Variants in LOXL1 observed in about 807,000 individuals in gnomAD.
LOXL1 encodes lysyl oxidase like 1.
In LOXL1, 31 loss-of-function variants were observed where a neutral mutation model predicts 62.2. The ratio of observed to expected loss-of-function variants is 0.50; its 90% confidence interval spans 0.37 to 0.67. LOXL1 has a LOEUF of 0.67. LOXL1 is among the 30% of genes least tolerant of loss of function. LOXL1 has a pLI of 0.00. For synonymous variants in LOXL1, 403 were observed against 384.4 expected (o/e 1.05, Z -0.56); for missense variants, 775 against 843.4 (o/e 0.92, Z 1.00).
At chr15:73,946,659 T>C in intron 3 of LOXL1, 105 bp downstream of exon 3, 2 of 1,366,212 alleles carry the variant, frequency 1.5e-6, no homozygotes, top group South Asian at 2.7e-5. Flanking sequence ...GAGACACAGA[T>C]ACTGGATTAG....
intron 5 of LOXL1, 101 bp downstream of exon 5, chr15:73,948,003 C>G: frequency 2.5e-6 from 2 of 807,610 alleles, no homozygotes; most frequent in Non-Finnish European, 3.9e-6. Flanking sequence ...GTTCCCTTCT[C>G]CCCAGCTGCC....
intron 1 of LOXL1, among the ~76,000 whole-genome samples, chr15:73,939,388 C>G (rs2068698053): frequency 6.6e-6 from 1 of 152,218 alleles, no homozygotes; most frequent in Admixed American, 6.5e-5. Flanking sequence ...CCAGCAGCTT[C>G]CCCGAGCTGC....
chr15:73,936,848 AGTATCGTCT>A (rs1396526803), intron 1 of LOXL1, among the ~76,000 whole-genome samples: 1 of 152,258 alleles, frequency 6.6e-6, no homozygotes, highest in African/African-American at 2.4e-5. Context: ...TGACTGCTAA[AGTATCGTCT>A]GTAGGGGTTG....
intron 1 of LOXL1, among the ~76,000 whole-genome samples, chr15:73,932,433 T>C (rs536992660): frequency 6.6e-6 from 1 of 152,344 alleles, no homozygotes; most frequent in South Asian, 2.1e-4. Flanking sequence ...CTTGTACACC[T>C]CATTTATTCA....
intron 6 of LOXL1, among the ~76,000 whole-genome samples, chr15:73,950,151 T>TG (rs1379223893): frequency 2.6e-5 from 4 of 152,136 alleles, no homozygotes; most frequent in Non-Finnish European, 5.9e-5. Context: ...AATCTGGGCT[T>TG]GGGATTTTGG....
Position 73,927,268 on chromosome 15 carries a change from C to T in LOXL1, c.485C>T (p.Ala162Val). 6.2e-7 allele frequency: 1 copy of T among 1,602,196 alleles called. No homozygotes were observed. The highest frequency in any genetic ancestry group is 8.5e-7 in the Non-Finnish European group (1 of 1,177,648). The change falls in exon 1 of 7, where the codon GCC becomes GTC. Residue 162 changes from alanine to valine, a missense_variant. Transcript: ENST00000261921. ...GGSASSVSASAFASTYRQQPS... is the reference protein window; with the variant it reads ...GGSASSVSASVFASTYRQQPS... ...TCCGCCTCCTCGGTCTCGGCTTCGGCCTTCGCCAGCACCTACCGCCAGCAG... is the reference window on the plus strand; with the variant it reads ...TCCGCCTCCTCGGTCTCGGCTTCGGTCTTCGCCAGCACCTACCGCCAGCAG...
chr15:73,931,235 G>A (rs1388192503), intron 1 of LOXL1, among the ~76,000 whole-genome samples: 2 of 151,966 alleles, frequency 1.3e-5, no homozygotes, highest in Non-Finnish European at 2.9e-5. Context: ...CATCTTGGAT[G>A]GCTGTGCTAG....
intron 4 of LOXL1, 113 bp from the exon 5 acceptor site, chr15:73,947,694 C>A (rs1595849184): frequency 1.4e-6 from 1 of 737,228 alleles, no homozygotes; most frequent in East Asian, 2.6e-5. Flanking sequence ...TGCCCTGGGC[C>A]AGGGTCAGGG....
chr15:73,928,601 C>CAAAA (rs55696344), intron 1 of LOXL1, among the ~76,000 whole-genome samples: 2 of 105,010 alleles, frequency 1.9e-5, no homozygotes, highest in African/African-American at 3.4e-5. Flanking sequence ...AAAATTAATG[C>CAAAA]AAAAAAAAAA....
chr15:73,942,924 C>T lies in LOXL1; in HGVS notation c.1173C>T (p.Tyr391=), dbSNP rs766114825. ...CTTATGTGCAGAGAGCCCACCTGTA[C>T]TCCCTGCGCTGTGCTGCGGAGGAGA... is the stretch of plus-strand genomic sequence containing the variant. ...ASTYVQRAHL[Y]SLRCAAEEKC... Residue 391 remains tyrosine, a synonymous_variant, in exon 2 of 7, where the codon TAC becomes TAT. Transcript: ENST00000261921. 6.2e-7 allele frequency: 1 copy of T among 1,614,048 alleles called. No homozygotes were observed. The highest frequency in any genetic ancestry group is 1.1e-5 in the South Asian group (1 of 91,078).
intron 1 of LOXL1, among the ~76,000 whole-genome samples, chr15:73,934,511 CAA>C (rs1379428523): frequency 6.6e-6 from 1 of 152,188 alleles, no homozygotes; most frequent in African/African-American, 2.4e-5. Context: ...TGAGTACAGG[CAA>C]AAGATAATAC....
chr15:73,928,569 T>C (rs1438409733), intron 1 of LOXL1, among the ~76,000 whole-genome samples: 1 of 139,400 alleles, frequency 7.2e-6, no homozygotes, highest in Non-Finnish European at 1.5e-5. Context: ...ATGAGTAATA[T>C]TGAGATGTAT....
Position 73,927,273 on chromosome 15 carries a change from G to A in LOXL1, c.490G>A (p.Ala164Thr). ...CTCCTCGGTCTCGGCTTCGGCCTTC[G>A]CCAGCACCTACCGCCAGCAGCCCTC... ...SASSVSASAF[A>T]STYRQQPSYP... Residue 164 changes from alanine to threonine, a missense_variant, in exon 1 of 7, where the codon GCC becomes ACC. Ala to Thr is a moderately conservative substitution (Grantham distance 58). Transcript: ENST00000261921. 1 of 1,602,270 alleles carries A rather than the reference G, an allele frequency of 6.2e-7. No individual in the cohort carries two copies. The highest frequency in any genetic ancestry group is 8.5e-7 in the Non-Finnish European group (1 of 1,177,478).
intron 1 of LOXL1, among the ~76,000 whole-genome samples, chr15:73,931,426 C>G (rs1992314): frequency 0.29 from 44,316 of 152,022 alleles, 6,987 homozygotes; most frequent in East Asian, 0.55. Context: ...CAAGAAGATT[C>G]TGTAGCTCCT....
At chr15:73,949,718 C>G (rs1343951389) in intron 6 of LOXL1, 144 bp downstream of exon 6, 6 of 646,242 alleles carry the variant, frequency 9.3e-6, no homozygotes, top group Non-Finnish European at 1.7e-5. Context: ...TCAAAAAGAG[C>G]CTTGTCCGTG....
chr15:73,928,271 C>T (rs202182364), intron 1 of LOXL1: 1 of 190,008 alleles, frequency 5.3e-6, no homozygotes, highest in Non-Finnish European at 1.1e-5. Context: ...TCCTTCCCCC[C>T]TTAGAGATGT....
At chr15:73,931,090 T>C (rs2068632204) in intron 1 of LOXL1, among the ~76,000 whole-genome samples, 1 of 151,862 alleles carries the variant, frequency 6.6e-6, no homozygotes, top group African/African-American at 2.4e-5. Flanking sequence ...TAGTGCCACC[T>C]AAGAAGCCCC....
At chr15:73,934,479 C>A (rs2068656550) in intron 1 of LOXL1, among the ~76,000 whole-genome samples, 1 of 152,200 alleles carries the variant, frequency 6.6e-6, no homozygotes, top group South Asian at 2.1e-4. Context: ...CACTGTGCAC[C>A]TGGGAGACGT....
intron 3 of LOXL1, 91 bp downstream of exon 3, chr15:73,946,645 C>G (rs1354922560): frequency 3.5e-6 from 5 of 1,426,454 alleles, no homozygotes; most frequent in Admixed American, 2.1e-5. Flanking sequence ...CATGAGCACT[C>G]TGGGAGACAC....
Sources: allele counts gnomAD v4.1 joint callset (sites outside exome capture counted in the v4.1 genomes callset), GRCh38; gene constraint gnomAD v4.1.1; transcripts MANE v1.5; gene names NCBI Gene and HGNC (gene_info 2026-07-23, HGNC 2026-07-21).